BRINP3: variants seen among roughly 807,000 people sequenced by gnomAD.
The protein encoded by BRINP3 is BMP/retinoic acid-inducible neural-specific protein 3.
Under a neutral mutation model 71.0 loss-of-function variants are expected in BRINP3, and 19 were observed. That is an observed-to-expected ratio of 0.27 (90% confidence interval 0.19 to 0.39). BRINP3 has a LOEUF of 0.39. Ranked by LOEUF, BRINP3 falls within the 10% of genes least tolerant of loss-of-function variation. The pLI is 1.00. For synonymous variants in BRINP3, 380 were observed against 337.7 expected (o/e 1.13, Z -1.37); for missense variants, 959 against 940.8 (o/e 1.02, Z -0.25).
At chr1:190,372,208 T>C (rs1192171807) in intron 2 of BRINP3, among the ~76,000 whole-genome samples, 1 of 152,154 alleles carries the variant, frequency 6.6e-6, no homozygotes, top group African/African-American at 2.4e-5. Context: ...TCAGACGTCC[T>C]TCATTCTGTT....
At chr1:190,244,593 C>G (rs1659414884) in intron 4 of BRINP3, among the ~76,000 whole-genome samples, 1 of 152,092 alleles carries the variant, frequency 6.6e-6, no homozygotes, top group Non-Finnish European at 1.5e-5. Flanking sequence ...AGGGCATTGA[C>G]AGCTAATCAC....
At chr1:190,284,391 T>C (rs1571628470) in intron 2 of BRINP3, among the ~76,000 whole-genome samples, 1 of 151,980 alleles carries the variant, frequency 6.6e-6, no homozygotes, top group African/African-American at 2.4e-5. Flanking sequence ...CAGATGAACA[T>C]AAGAAAATCT....
At chr1:190,341,308 A>C (rs1269884055) in intron 2 of BRINP3, among the ~76,000 whole-genome samples, 2 of 151,824 alleles carry the variant, frequency 1.3e-5, no homozygotes, top group Non-Finnish European at 2.9e-5. Context: ...ATCACTTTTA[A>C]TGTTTTTCAT....
intron 2 of BRINP3, among the ~76,000 whole-genome samples, chr1:190,384,687 A>G (rs965847239): frequency 6.6e-6 from 1 of 152,088 alleles, no homozygotes; most frequent in South Asian, 2.1e-4. Flanking sequence ...CACATCCTTT[A>G]TAAGTAAGCA....
chr1:190,279,319 A>G (rs1662864014), intron 3 of BRINP3, among the ~76,000 whole-genome samples: 1 of 151,972 alleles, frequency 6.6e-6, no homozygotes, highest in African/African-American at 2.4e-5. Context: ...AAACAACTTC[A>G]ATGCATCACA....
intron 7 of BRINP3, among the ~76,000 whole-genome samples, chr1:190,153,400 T>A (rs964992495): frequency 5.3e-5 from 8 of 152,142 alleles, no homozygotes; most frequent in Admixed American, 1.3e-4. Context: ...AAAGTACTTA[T>A]CTAAGCACCT....
intron 3 of BRINP3, among the ~76,000 whole-genome samples, chr1:190,270,873 T>C (rs181504906): frequency 1.6e-4 from 25 of 151,780 alleles, no homozygotes; most frequent in Non-Finnish European, 3.0e-4. Flanking sequence ...TCAACCCTCA[T>C]GCATTCAATG....
At chr1:190,365,252 A>T (rs1669406140) in intron 2 of BRINP3, among the ~76,000 whole-genome samples, 1 of 152,018 alleles carries the variant, frequency 6.6e-6, no homozygotes, top group Middle Eastern at 3.2e-3. Flanking sequence ...AGAGATGACC[A>T]CTGTGAATGA....
intron 6 of BRINP3, among the ~76,000 whole-genome samples, chr1:190,165,938 C>T (rs754329299): frequency 1.3e-5 from 2 of 152,130 alleles, no homozygotes; most frequent in African/African-American, 2.4e-5. Flanking sequence ...CAAATTTTGA[C>T]CCTCGCTATA....
intron 1 of BRINP3, among the ~76,000 whole-genome samples, chr1:190,461,696 C>T (rs2102663505): frequency 6.6e-6 from 1 of 152,240 alleles, no homozygotes; most frequent in South Asian, 2.1e-4. Context: ...TGTGATATGG[C>T]TGGCAAGACC....
At chr1:190,258,479 A>T (rs2102849104) in intron 4 of BRINP3, among the ~76,000 whole-genome samples, 1 of 152,144 alleles carries the variant, frequency 6.6e-6, no homozygotes, top group Non-Finnish European at 1.5e-5. Flanking sequence ...CTTGGAAAAG[A>T]TCAACGAAGT....
At chr1:190,110,522 C>T (rs963159472) in intron 7 of BRINP3, among the ~76,000 whole-genome samples, 5 of 152,278 alleles carry the variant, frequency 3.3e-5, no homozygotes, top group Admixed American at 2.6e-4. Context: ...ATCTTGATAT[C>T]ATCATGATAT....
intron 2 of BRINP3, among the ~76,000 whole-genome samples, chr1:190,434,042 T>G (rs1466102829): frequency 6.6e-6 from 1 of 152,138 alleles, no homozygotes; most frequent in Non-Finnish European, 1.5e-5. Flanking sequence ...ATTGACAGAG[T>G]AAAATAACCA....
chr1:190,285,725 T>G (rs1487973741), intron 2 of BRINP3, among the ~76,000 whole-genome samples: 2 of 148,448 alleles, frequency 1.3e-5, no homozygotes, highest in Non-Finnish European at 3.0e-5. Context: ...TGAGGGTTTG[T>G]TTTTTTTTTC....
intron 2 of BRINP3, among the ~76,000 whole-genome samples, chr1:190,335,777 G>T (rs569155647): frequency 6.6e-6 from 1 of 152,028 alleles, no homozygotes; most frequent in Non-Finnish European, 1.5e-5. Flanking sequence ...TCTGAATGAA[G>T]CTAGCTCCTG....
intron 2 of BRINP3, among the ~76,000 whole-genome samples, chr1:190,301,183 A>ATG (rs1240261505): frequency 4.4e-5 from 5 of 113,634 alleles, no homozygotes; most frequent in African/African-American, 6.4e-5. Flanking sequence ...ATACATATAT[A>ATG]TATGTATATA....
chr1:190,199,751 C>A (rs1654821399), intron 6 of BRINP3, among the ~76,000 whole-genome samples: 1 of 138,546 alleles, frequency 7.2e-6, no homozygotes. Flanking sequence ...TTGCAATCTG[C>A]TATTCTTGTC....
intron 2 of BRINP3, among the ~76,000 whole-genome samples, chr1:190,378,079 G>A (rs1670294821): frequency 6.6e-6 from 1 of 151,964 alleles, no homozygotes; most frequent in Non-Finnish European, 1.5e-5. Flanking sequence ...CTTAAAAGAA[G>A]GAAACAAAGT....
At chr1:190,315,499 T>A (rs1243928941) in intron 2 of BRINP3, among the ~76,000 whole-genome samples, 1 of 152,154 alleles carries the variant, frequency 6.6e-6, no homozygotes, top group Non-Finnish European at 1.5e-5. Flanking sequence ...TCAAGAGACA[T>A]GCCCTACCCA....
Sources: gnomAD v4.1 joint callset for allele counts (sites outside exome capture counted in the v4.1 genomes callset) on GRCh38, gnomAD v4.1.1 for gene constraint, MANE v1.5 for transcripts, NCBI Gene and HGNC (gene_info 2026-07-23, HGNC 2026-07-21) for gene names.